The following TNK1 variants were observed in gnomAD, a reference collection of about 807,000 sequenced individuals.
The protein encoded by TNK1 is non-receptor tyrosine-protein kinase TNK1.
In TNK1, 53 loss-of-function variants were observed where a neutral mutation model predicts 65.2. The ratio of observed to expected loss-of-function variants is 0.81; its 90% CI spans 0.65 to 1.02. The LOEUF (loss-of-function observed/expected upper bound fraction) is 1.02, where lower values mean the gene tolerates loss of function less well. Among genes scored for constraint, TNK1 ranks in the 50% least tolerant of loss-of-function variants. TNK1 has a pLI of 0.00. For missense variants in TNK1, 837 were observed against 878.4 expected (o/e 0.95, Z 0.60); for synonymous variants, 353 against 364.6 (o/e 0.97, Z 0.36).
intron 1 of TNK1, among the ~76,000 whole-genome samples, chr17:7,381,495 A>C (rs1012922226): frequency 3.9e-5 from 6 of 152,156 alleles, no homozygotes; most frequent in Admixed American, 3.3e-4. Context: ...CCAGAGCCTT[A>C]TTTAACAAAG....
At position 7,388,371 on chromosome 17, in the gene TNK1, G is replaced by T; in HGVS notation, c.1478-35G>T. ...GCCCGGGAGGCGGAGGCTGCAGCCA[G>T]CCGAGTTCAAGTTGTTTCCTTCTCA... On this transcript the variant is annotated intron_variant, in intron 10 of 12. Transcript: ENST00000688331. This position sits in a 1 kb window ranked among gnomAD's most constrained non-coding sequence, Gnocchi z 4.5. 1.9e-6 allele frequency: 3 copies of T among 1,553,888 alleles called. No homozygotes were observed. Among genetic ancestry groups the T allele is most frequent in the Non-Finnish European group, 2.6e-6 (3 of 1,149,124 alleles).
chr17:7,384,576 G>A lies in TNK1; in HGVS notation c.959G>A (p.Gly320Asp). 6.2e-7 allele frequency: 1 copy of A among 1,612,128 alleles called. No homozygotes were observed. ...GVTLWEMFSG[G>D]EEPWAGVPPY... Reference sequence around the variant, plus strand: ...ACGCTGTGGGAGATGTTCTCCGGGGGCGAGGAACCCTGGGCCGGGGTCCCA... The same window carrying A: ...ACGCTGTGGGAGATGTTCTCCGGGGACGAGGAACCCTGGGCCGGGGTCCCA... Residue 320 changes from glycine (G) to aspartate (D), a missense_variant, in exon 7 of 13, where the codon GGC (glycine) becomes GAC (aspartate). By Grantham distance (94) the Gly-to-Asp change is moderately conservative. Transcript: ENST00000688331.
rs758686147 is a variant in TNK1, at chr17:7,383,619, G to A, written c.426+3G>A. On this transcript the variant is annotated splice_donor_region_variant and intron_variant, in intron 4 of 12. Transcript: ENST00000688331. ...GGACGCTGCCCAGTGGCAAGAGTGT[G>A]AGTGTCCAGGGAGCCCGCTTCATCC... 13 of 1,598,044 alleles carry A rather than the reference G, an allele frequency of 8.1e-6. No individual in the cohort carries two copies. In the South Asian group the frequency reaches 1.5e-4, roughly 18 times the overall value.
chr17:7,385,346 A>C (rs914431640), intron 7 of TNK1, among the ~76,000 whole-genome samples: 10 of 145,812 alleles, frequency 6.9e-5, no homozygotes, highest in Non-Finnish European at 1.2e-4. Flanking sequence ...GCCTGGGCAA[A>C]AAGAGCGAAC....
Position 7,384,151 on chromosome 17 carries a change from C to G in TNK1, c.764C>G (p.Ser255Trp). ...DLATRNLLLA[S>W]PRTIKVADFG... is the part of the protein sequence containing the mutation. ...GCTACGCGCAACCTACTGCTGGCGT[C>G]GCCGCGCACCATCAAGGTGGCTGAC... Residue 255 changes from serine (S) to tryptophan (W), a missense_variant, in exon 6 of 13, where the codon TCG (serine) becomes TGG (tryptophan). Transcript: ENST00000688331. 1 of 1,541,854 alleles carries G rather than the reference C, an allele frequency of 6.5e-7. No individual in the cohort carries two copies. Among genetic ancestry groups the G allele is most frequent in the Non-Finnish European group, 8.7e-7 (1 of 1,151,050 alleles).
chr17:7,387,104 C>A lies in TNK1; in HGVS notation c.1347C>A (p.Val449=). ...DAGGLPATRP[V]HRGTPARGDQ... The stretch of plus-strand genomic sequence containing the variant: ...GGGGCTTGCCAGCCACCCGTCCAGT[C>A]CACAGAGGCACCCCTGCCCGGGGAG... The change falls in exon 9 of 13, where the codon GTC becomes GTA. Residue 449 remains valine, a synonymous_variant. Coordinates refer to ENST00000688331, the MANE Select transcript of TNK1 (RefSeq NM_003985.6). The A allele has an allele frequency of 6.2e-7, 1 of 1,609,612 alleles. No individual in the cohort carries two copies. Among genetic ancestry groups the A allele is most frequent in the South Asian group, 1.1e-5 (1 of 90,552 alleles).
In TNK1 at chr17:7,382,019, G is replaced by A. The variant is rs950464889; in HGVS notation, c.-91-817G>A. On this transcript the variant is annotated intron_variant, in intron 1 of 12. Coordinates refer to ENST00000688331, the MANE Select transcript of TNK1 (RefSeq NM_003985.6). The surrounding 1 kb of genome is among the most constrained non-coding windows in gnomAD (Gnocchi z 4.1). Reference sequence around the variant, plus strand: ...GCAGTGGCTCACGCCTGTAATCCCAGCACTTTGGGTGGCCGAGGCGGGCGG... The same window carrying A: ...GCAGTGGCTCACGCCTGTAATCCCAACACTTTGGGTGGCCGAGGCGGGCGG... Among the ~76,000 whole-genome samples, 2 of 152,242 alleles carry A rather than the reference G, an allele frequency of 1.3e-5. No individual in the cohort carries two copies. The highest frequency in any genetic ancestry group is 1.9e-4 in the East Asian group (1 of 5,196).
rs781143217 is a variant in TNK1 at position 7,383,487 on chromosome 17, C to T, written c.297C>T (p.His99=). Reference sequence around the variant, plus strand: ...CCCTGCCCTCGGACAGCCCACGGCACCTCCCTGAGCCAGAGGGGGGCCTCA... The same window carrying T: ...CCCTGCCCTCGGACAGCCCACGGCATCTCCCTGAGCCAGAGGGGGGCCTCA... ...EPTLPSDSPR[H]LPEPEGGLKC... is the part of the protein sequence containing the mutation. The change falls in exon 4 of 13, where the codon CAC becomes CAT. Residue 99 remains histidine, a synonymous_variant. Coordinates refer to ENST00000688331, the MANE Select transcript of TNK1 (RefSeq NM_003985.6). 1.2e-6 allele frequency: 2 copies of T among 1,613,888 alleles called. No individual in the cohort carries two copies. The highest frequency in any genetic ancestry group is 2.7e-5 in the African/African-American group (2 of 75,050).
At chr17:7,387,603 A>AT (rs35318852) in intron 10 of TNK1, 146 bp downstream of exon 10, 18,986 of 409,620 alleles carry the variant, frequency 0.046, 75 homozygotes, top group Non-Finnish European at 0.053. Context: ...TGTGCAATCT[A>AT]TTTTTTTTTT....
At position 7,383,093 on chromosome 17, in the gene TNK1, A is replaced by AG. The variant is rs35371814; in HGVS notation, c.163+7dup. ...GGCATTGGCATGGGCCGGCCTGGTGAGGGACCCCTGCCCCGAGGCCCTGGT... is the reference window on the plus strand; with the variant it reads ...GGCATTGGCATGGGCCGGCCTGGTGAGGGGACCCCTGCCCCGAGGCCCTGGT... On this transcript the variant is annotated splice_donor_region_variant and intron_variant, in intron 2 of 12. Coordinates refer to ENST00000688331, the MANE Select transcript of TNK1 (RefSeq NM_003985.6). 1 of 1,613,776 alleles carries AG rather than the reference A, an allele frequency of 6.2e-7. No individual in the cohort carries two copies. Among genetic ancestry groups the AG allele is most frequent in the African/African-American group, 1.3e-5 (1 of 74,914 alleles).
At chr17:7,387,605 T>A in intron 10 of TNK1, 148 bp downstream of exon 10, 5 of 132,740 alleles carry the variant, frequency 3.8e-5, no homozygotes, top group African/African-American at 4.2e-5. Flanking sequence ...TGCAATCTAT[T>A]TTTTTTTTTT....
chr17:7,386,921 T>C, intron 8 of TNK1, 69 bp from the exon 9 acceptor site: 1 of 1,471,424 alleles, frequency 6.8e-7, no homozygotes, highest in Non-Finnish European at 9.1e-7. Context: ...GTGAGCTGAC[T>C]GTGGGCCAGG....
At chr17:7,385,905 T>C (rs962851564) in intron 7 of TNK1, among the ~76,000 whole-genome samples, 1 of 152,146 alleles carries the variant, frequency 6.6e-6, no homozygotes, top group Non-Finnish European at 1.5e-5. Context: ...TGATGGGCAG[T>C]TGAGGCACTG....
chr17:7,384,547 G>T lies in TNK1; in HGVS notation c.930G>T (p.Gly310=), dbSNP rs755965112. ...FSSASDVWMF[G]VTLWEMFSGG... ...CTGCCTCGGACGTGTGGATGTTTGG[G>T]GTGACGCTGTGGGAGATGTTCTCCG... The change falls in exon 7 of 13, where the codon GGG becomes GGT. Residue 310 remains glycine, a synonymous_variant. Transcript: ENST00000688331. 5 of 1,608,420 alleles carry T rather than the reference G, an allele frequency of 3.1e-6. No homozygotes were observed. The highest frequency in any genetic ancestry group is 3.4e-6 in the Non-Finnish European group (4 of 1,176,570).
Position 7,389,348 on chromosome 17 carries a change from CA to C in TNK1, c.*267del. The C allele has an allele frequency of 1.9e-6, 1 of 536,734 alleles. No homozygotes were observed. The highest frequency in any genetic ancestry group is 3.3e-6 in the Non-Finnish European group (1 of 301,834). 33.2% of individuals were successfully genotyped at this position (536,734 alleles called of 1,614,324 possible). A position where few individuals can be genotyped will look rare whatever the true frequency, so the allele number is the denominator to read the frequency against. On this transcript the variant is annotated 3_prime_UTR_variant, in exon 13 of 13. Coordinates refer to ENST00000688331, the MANE Select transcript of TNK1 (RefSeq NM_003985.6). ...GGATCTAGTCTGCCCACTACATTCTCAAACAAGAGGACTTGGAAGAAAAGAG... is the reference window on the plus strand; with the variant it reads ...GGATCTAGTCTGCCCACTACATTCTCAACAAGAGGACTTGGAAGAAAAGAG...
chr17:7,383,670 A>G (rs759257467), intron 4 of TNK1, 39 bp from the exon 5 acceptor site: 1 of 1,601,884 alleles, frequency 6.2e-7, no homozygotes, highest in East Asian at 2.2e-5. Context: ...TCTGTTCTTC[A>G]TGCCCGCAAT....
rs763121573 is a variant in TNK1, at chr17:7,383,776, T to A, written c.494T>A (p.Phe165Tyr). 2 of 1,613,042 alleles carry A rather than the reference T, an allele frequency of 1.2e-6. No individual in the cohort carries two copies. Among genetic ancestry groups the A allele is most frequent in the South Asian group, 2.2e-5 (2 of 90,782 alleles). The stretch of plus-strand genomic sequence containing the variant: ...CCGATGGGCACAGAACTGGGGGACT[T>A]CCTGCGAGAGGTATCGGTCATGATG... Reference protein sequence around the residue: ...EGPMGTELGDFLREVSVMMNL... With the variant: ...EGPMGTELGDYLREVSVMMNL... The change falls in exon 5 of 13, where the codon TTC (phenylalanine) becomes TAC (tyrosine). Residue 165 changes from phenylalanine to tyrosine, a missense_variant. Coordinates refer to ENST00000688331, the MANE Select transcript of TNK1 (RefSeq NM_003985.6).
chr17:7,385,608 T>G (rs1049906882), intron 7 of TNK1, among the ~76,000 whole-genome samples: 1 of 151,904 alleles, frequency 6.6e-6, no homozygotes, highest in African/African-American at 2.4e-5. Flanking sequence ...TCTGTCACCC[T>G]AGCTGGAGTG....
chr17:7,387,501 G>A (rs915986529), intron 10 of TNK1, 44 bp downstream of exon 10: 3 of 1,516,292 alleles, frequency 2.0e-6, no homozygotes, highest in Non-Finnish European at 2.7e-6. Flanking sequence ...ATCAAGACCA[G>A]TCCTTCAATT....
Sources: allele counts gnomAD v4.1 joint callset (sites outside exome capture counted in the v4.1 genomes callset), GRCh38; gene constraint gnomAD v4.1.1; non-coding constraint Gnocchi (gnomAD v3.1); transcripts MANE v1.5; gene names NCBI Gene and HGNC (gene_info 2026-07-23, HGNC 2026-07-21).